The following C12orf50 variants were observed in gnomAD, a reference collection of about 807,000 sequenced individuals.
C12orf50 encodes the protein uncharacterized protein C12orf50.
In C12orf50, 35 loss-of-function variants were observed where a neutral mutation model predicts 61.6. The ratio of observed to expected loss-of-function variants is 0.57; its 90% CI spans 0.43 to 0.75. C12orf50 has a LOEUF of 0.75. Ranked by LOEUF, C12orf50 falls within the 30% of genes least tolerant of loss-of-function variation. The probability of loss-of-function intolerance (pLI) is 0.00; values close to 1 mark genes in which losing one functional copy is unlikely to be tolerated. For synonymous variants in C12orf50, 178 were observed against 161.5 expected (o/e 1.10, Z -0.77); for missense variants, 475 against 488.5 (o/e 0.97, Z 0.26).
intron 1 of C12orf50, chr12:88,027,843 G>C (rs1312021384): frequency 1.3e-5 from 2 of 152,048 alleles, no homozygotes; most frequent in Non-Finnish European, 2.9e-5. Context: ...CATGTTCCAT[G>C]GTTGTTCTTT....
At chr12:88,009,033 A>G (rs538635289) in intron 3 of C12orf50, among the ~76,000 whole-genome samples, 22 of 152,224 alleles carry the variant, frequency 1.4e-4, no homozygotes, top group African/African-American at 5.3e-4. Context: ...CACTTTATTT[A>G]TGCATTCCAC....
At position 87,980,167 on chromosome 12, in the gene C12orf50, C is replaced by T. The variant is rs796113862; in HGVS notation, c.*164G>A. On this transcript the variant is annotated 3_prime_UTR_variant, in exon 13 of 13. Coordinates refer to ENST00000298699, the MANE Select transcript of C12orf50 (RefSeq NM_152589.3). The stretch of plus-strand genomic sequence containing the variant: ...ATCAGTTTTGAAAGAGCACAATGTA[C>T]TTCCTGCATCTTATTTTCAGAATTT... 1 of 660,968 alleles carries T rather than the reference C, an allele frequency of 1.5e-6. No homozygotes were observed. The highest frequency in any genetic ancestry group is 3.2e-4 in the Middle Eastern group (1 of 3,174). 40.9% of individuals were successfully genotyped at this position (660,968 alleles called of 1,614,324 possible).
At chr12:87,991,310 G>A (rs1303248510) in intron 7 of C12orf50, among the ~76,000 whole-genome samples, 1 of 152,044 alleles carries the variant, frequency 6.6e-6, no homozygotes, top group African/African-American at 2.4e-5. Context: ...TAGTAAGACA[G>A]GACAATTGAG....
intron 3 of C12orf50, among the ~76,000 whole-genome samples, chr12:88,003,216 A>G (rs1166788094): frequency 4.0e-5 from 6 of 151,850 alleles, no homozygotes; most frequent in African/African-American, 1.4e-4. Context: ...TTTCTTTGTC[A>G]TCATACAGTT....
intron 3 of C12orf50, among the ~76,000 whole-genome samples, chr12:88,023,485 A>G (rs1350871975): frequency 6.7e-6 from 1 of 150,020 alleles, no homozygotes; most frequent in Non-Finnish European, 1.5e-5. Context: ...CAACATGGTG[A>G]AACTTCGTCT....
At chr12:87,995,865 C>A (rs2031363390) in intron 6 of C12orf50, among the ~76,000 whole-genome samples, 1 of 152,164 alleles carries the variant, frequency 6.6e-6, no homozygotes, top group Admixed American at 6.5e-5. Context: ...CACAGTAAAT[C>A]AGATTCTCCA....
rs774015120 is a variant in C12orf50, at chr12:87,989,355, AACATAACAGTCACC to A, written c.595_608del (p.Gly199SerfsTer11). 6.2e-7 allele frequency: 1 copy of A among 1,611,252 alleles called. No individual in the cohort carries two copies. The highest frequency in any genetic ancestry group is 8.5e-7 in the Non-Finnish European group (1 of 1,178,284). ...CTCCAAGAAATATGACCCTCTGTGG[AACATAACAGTCACC>A]TCCTATGACAAAACCTTACTGTCAG... On this transcript the variant is annotated frameshift_variant and splice_region_variant, in exon 8 of 13. Transcript: ENST00000298699. LOFTEE classifies it high-confidence loss of function.
chr12:88,025,733 C>T (rs1426814020), intron 3 of C12orf50, among the ~76,000 whole-genome samples: 1 of 151,936 alleles, frequency 6.6e-6, no homozygotes, highest in Admixed American at 6.6e-5. Context: ...AGCGAGACTC[C>T]GTCTCAAAAA....
Position 87,985,946 on chromosome 12 carries a change from T to C in C12orf50, c.1030A>G (p.Thr344Ala). ...CGGGAAGGTGCATTCAACGCGACAG[T>C]CCTGACAGCATCTCTTTGAACGTGG... ...YIHVQRDAVR[T>A]VALNAPSRSR... Residue 344 changes from threonine (T) to alanine (A), a missense_variant, in exon 11 of 13, where the codon ACT (threonine) becomes GCT (alanine). Transcript: ENST00000298699. 3 of 1,613,870 alleles carry C rather than the reference T, an allele frequency of 1.9e-6. No homozygotes were observed. Among genetic ancestry groups the C allele is most frequent in the Non-Finnish European group, 2.5e-6 (3 of 1,179,870 alleles).
At chr12:88,004,555 C>G (rs1215739387) in intron 3 of C12orf50, among the ~76,000 whole-genome samples, 1 of 152,130 alleles carries the variant, frequency 6.6e-6, no homozygotes, top group Non-Finnish European at 1.5e-5. Flanking sequence ...TGGGTATATA[C>G]AGTCTACCAT....
chr12:88,026,601 C>T lies in C12orf50; in HGVS notation c.20G>A (p.Cys7Tyr), dbSNP rs1231208177. 1.2e-6 allele frequency: 2 copies of T among 1,612,870 alleles called. No homozygotes were observed. The highest frequency in any genetic ancestry group is 1.7e-6 in the Non-Finnish European group (2 of 1,179,910). Residue 7 changes from cysteine to tyrosine, a missense_variant, in exon 3 of 13, where the codon TGC becomes TAC. Coordinates refer to ENST00000298699, the MANE Select transcript of C12orf50 (RefSeq NM_152589.3). ...AGTTTCCCAGAAGCATGAAATGCTG[C>T]AGTTTTGCTAGATAAAAGGAGATTG... MEMQQN[C>Y]SISCFWETQP...
intron 12 of C12orf50, among the ~76,000 whole-genome samples, chr12:87,981,535 T>C (rs1037272132): frequency 6.6e-6 from 1 of 152,186 alleles, no homozygotes; most frequent in Non-Finnish European, 1.5e-5. Context: ...GACCATAGTT[T>C]AGTTAACAAG....
chr12:88,025,552 A>G (rs2032670019), intron 3 of C12orf50, among the ~76,000 whole-genome samples: 1 of 152,174 alleles, frequency 6.6e-6, no homozygotes. Flanking sequence ...AATTTAACCC[A>G]ACCAGCATGG....
intron 11 of C12orf50, 126 bp downstream of exon 11, chr12:87,985,724 A>G: frequency 2.3e-6 from 2 of 862,150 alleles, no homozygotes; most frequent in Admixed American, 2.1e-5. Flanking sequence ...ACTAGTTTCT[A>G]TGGTGGTGAT....
chr12:88,025,369 T>C (rs1051343078), intron 3 of C12orf50, among the ~76,000 whole-genome samples: 22 of 152,096 alleles, frequency 1.4e-4, no homozygotes, highest in Non-Finnish European at 1.5e-5. Context: ...TTATTAAAAG[T>C]TTCTCAGTTC....
rs2030607604 is a variant in C12orf50 at position 87,983,201 on chromosome 12, G to A, written c.1127-6C>T. On this transcript the variant is annotated splice_polypyrimidine_tract_variant and splice_region_variant and intron_variant, in intron 11 of 12. Transcript: ENST00000298699. ...TGATGTTGACGTATATTTGTCTGAG[G>A]GAAAAAAATCCAGAATTAAATATTT... 3 of 1,556,188 alleles carry A rather than the reference G, an allele frequency of 1.9e-6. No homozygotes were observed. In the African/African-American group the frequency reaches 4.1e-5, roughly 21 times the overall value.
intron 7 of C12orf50, among the ~76,000 whole-genome samples, chr12:87,993,971 G>A (rs1248888131): frequency 2.0e-5 from 3 of 151,996 alleles, no homozygotes; most frequent in South Asian, 2.1e-4. Flanking sequence ...AGGCCAAGGC[G>A]GGCAAATCAC....
chr12:87,980,378 T>C, intron 12 of C12orf50, 22 bp from the exon 13 acceptor site: 1 of 1,582,254 alleles, frequency 6.3e-7, no homozygotes, highest in East Asian at 2.2e-5. Flanking sequence ...ATACACAAAA[T>C]ATTTCAATTA....
intron 3 of C12orf50, among the ~76,000 whole-genome samples, chr12:88,024,581 C>T (rs779209293): frequency 6.6e-6 from 1 of 151,782 alleles, no homozygotes; most frequent in South Asian, 2.1e-4. Flanking sequence ...AAATGATAAC[C>T]CAAAGAGAGG....
Sources: gnomAD v4.1 joint callset for allele counts (sites outside exome capture counted in the v4.1 genomes callset) on GRCh38, gnomAD v4.1.1 for gene constraint, MANE v1.5 for transcripts, NCBI Gene and HGNC (gene_info 2026-07-23, HGNC 2026-07-21) for gene names.